The following PC variants were observed in gnomAD, a reference collection of about 807,000 sequenced individuals.
The protein encoded by PC is pyruvate carboxylase, mitochondrial.
PC carries 46 observed loss-of-function variants against 107.8 expected under a neutral mutation model. The ratio of observed to expected loss-of-function variants is 0.43; its 90% CI spans 0.34 to 0.55. PC has a LOEUF of 0.55. Ranked by LOEUF, PC falls within the 20% of genes least tolerant of loss-of-function variation. The pLI, the probability that PC is intolerant of heterozygous loss-of-function variation, is 0.04. For missense variants in PC, 1,241 were observed against 1,643.1 expected (o/e 0.76, Z 4.23); for synonymous variants, 662 against 684.7 (o/e 0.97, Z 0.52).
intron 3 of PC, among the ~76,000 whole-genome samples, chr11:66,942,399 C>CAAAAAAAAAAAA (rs577741732): frequency 1.3e-4 from 11 of 86,984 alleles, no homozygotes; most frequent in African/African-American, 4.7e-4. Context: ...GACTCCATCT[C>CAAAAAAAAAAAA]AAAAAAAAAA....
At chr11:66,912,647 C>G (rs1948363695) in intron 3 of PC, among the ~76,000 whole-genome samples, 1 of 152,200 alleles carries the variant, frequency 6.6e-6, no homozygotes, top group Non-Finnish European at 1.5e-5. Flanking sequence ...CTTTCCATTC[C>G]TTTGACCTCA....
intron 12 of PC, chr11:66,860,548 C>T (rs771326844): frequency 4.0e-5 from 28 of 701,736 alleles, no homozygotes; most frequent in Non-Finnish European, 5.5e-5. Flanking sequence ...TGGTGGCACA[C>T]GGACAAGGGT....
intron 3 of PC, among the ~76,000 whole-genome samples, chr11:66,876,451 C>G (rs1204234365): frequency 6.6e-6 from 1 of 152,210 alleles, no homozygotes; most frequent in Non-Finnish European, 1.5e-5. Flanking sequence ...TTCAAATTGA[C>G]AAGTGAAAAG....
At chr11:66,906,665 A>G (rs1353818992) in intron 3 of PC, among the ~76,000 whole-genome samples, 1 of 151,766 alleles carries the variant, frequency 6.6e-6, no homozygotes, top group African/African-American at 2.4e-5. Flanking sequence ...ACACACATGC[A>G]CACTGCATTT....
chr11:66,855,994 C>CT (rs1214473851), intron 12 of PC, among the ~76,000 whole-genome samples: 5 of 151,626 alleles, frequency 3.3e-5, no homozygotes, highest in African/African-American at 1.2e-4. Context: ...GTTTAGGTGG[C>CT]TTAAGGACCA....
Position 66,858,571 on chromosome 11 carries a change from T to C in PC, c.1369-5188A>G. 1 of 1,533,014 alleles carries C rather than the reference T, an allele frequency of 6.5e-7. No homozygotes were observed. The highest frequency in any genetic ancestry group is 8.7e-7 in the Non-Finnish European group (1 of 1,144,026). 95.0% of individuals were successfully genotyped at this position (1,533,014 alleles called of 1,614,324 possible). A position where few individuals can be genotyped will look rare whatever the true frequency, so the allele number is the denominator to read the frequency against. ...TTCTGGGCAGTGCCCGAGGGCGAGT[T>C]CTCCTGTGAGCCGCCCCTCATTGCC... On this transcript the variant is annotated intron_variant, in intron 12 of 22. Coordinates refer to ENST00000393960, the MANE Select transcript of PC (RefSeq NM_001040716.2). This position sits in a 1 kb window ranked among gnomAD's most constrained non-coding sequence, Gnocchi z 5.9.
At chr11:66,918,182 G>GA (rs1948507686) in intron 3 of PC, among the ~76,000 whole-genome samples, 1 of 152,048 alleles carries the variant, frequency 6.6e-6, no homozygotes, top group Admixed American at 6.6e-5. Flanking sequence ...AAGTCCTGTA[G>GA]AAGGGAGGTA....
chr11:66,903,840 T>TA (rs1948062874), intron 3 of PC, among the ~76,000 whole-genome samples: 3 of 145,214 alleles, frequency 2.1e-5, no homozygotes, highest in African/African-American at 2.6e-5. Flanking sequence ...TTTTTTTTTT[T>TA]ATTTAGAGAC....
At chr11:66,910,799 T>A (rs1948313618) in intron 3 of PC, among the ~76,000 whole-genome samples, 1 of 152,174 alleles carries the variant, frequency 6.6e-6, no homozygotes, top group African/African-American at 2.4e-5. Context: ...AACCCAACGC[T>A]AGTGCTGACA....
intron 3 of PC, among the ~76,000 whole-genome samples, chr11:66,876,121 G>A (rs1216218578): frequency 1.3e-5 from 2 of 152,210 alleles, no homozygotes; most frequent in Non-Finnish European, 2.9e-5. Context: ...TTGGATCCGG[G>A]TTTCTATTGC....
chr11:66,900,502 C>T (rs1295571597), intron 3 of PC, among the ~76,000 whole-genome samples: 2 of 152,012 alleles, frequency 1.3e-5, no homozygotes, highest in Non-Finnish European at 2.9e-5. Context: ...TTCTGGTTCC[C>T]TTACATTTCT....
chr11:66,898,282 T>G (rs1429761992), intron 3 of PC, among the ~76,000 whole-genome samples: 1 of 152,220 alleles, frequency 6.6e-6, no homozygotes, highest in Non-Finnish European at 1.5e-5. Flanking sequence ...CCTCATTAAA[T>G]CACAGTCTTT....
intron 3 of PC, among the ~76,000 whole-genome samples, chr11:66,939,329 C>T (rs1005480561): frequency 6.6e-6 from 1 of 152,184 alleles, no homozygotes; most frequent in Non-Finnish European, 1.5e-5. Context: ...TATGCAAATA[C>T]TATGCCATTT....
chr11:66,934,882 G>A (rs1000051023), intron 3 of PC, among the ~76,000 whole-genome samples: 4 of 152,184 alleles, frequency 2.6e-5, no homozygotes, highest in Non-Finnish European at 4.4e-5. Flanking sequence ...TGGGATTACA[G>A]GTGTGAACAA....
rs1157673506 is a variant in PC at position 66,870,916 on chromosome 11, C to T, written c.634-24G>A. The T allele has an allele frequency of 5.0e-6, 8 of 1,607,830 alleles. No homozygotes were observed. The highest frequency in any genetic ancestry group is 6.8e-6 in the Non-Finnish European group (8 of 1,177,102). ...TCCTGCGAGGGCGGGCAGGGGCCAG[C>T]CAGACCTCAGACCCCACAGCGCTAC... On this transcript the variant is annotated intron_variant, in intron 7 of 22. Transcript: ENST00000393960. The surrounding 1 kb of genome is among the most constrained non-coding windows in gnomAD (Gnocchi z 6.1).
intron 3 of PC, among the ~76,000 whole-genome samples, chr11:66,922,514 C>T (rs1170939456): frequency 1.5e-5 from 2 of 131,818 alleles, no homozygotes; most frequent in Non-Finnish European, 3.1e-5. Context: ...GTGGAGGTTG[C>T]TTGTAGTGAG....
Position 66,870,995 on chromosome 11 carries a change from C to A in PC, c.633+57G>T, listed in dbSNP as rs1946707322. On this transcript the variant is annotated intron_variant, in intron 7 of 22. Transcript: ENST00000393960. This position sits in a 1 kb window ranked among gnomAD's most constrained non-coding sequence, Gnocchi z 6.1. ...TTCCAGATCCCTTGAGTGGTCCGCCCCTGCCCCCACGGCAGGCTGCCCTGC... is the reference window on the plus strand; with the variant it reads ...TTCCAGATCCCTTGAGTGGTCCGCCACTGCCCCCACGGCAGGCTGCCCTGC... 1 of 1,612,022 alleles carries A rather than the reference C, an allele frequency of 6.2e-7. No homozygotes were observed. Among genetic ancestry groups the A allele is most frequent in the Non-Finnish European group, 8.5e-7 (1 of 1,179,078 alleles).
chr11:66,852,300 G>C lies in PC; in HGVS notation c.1825+139C>G. ...GGCACCAGGCCTGGCCGGAGAGGGCGCTGTGCCTTCTTCGGTCCTTCCTCT... is the reference window on the plus strand; with the variant it reads ...GGCACCAGGCCTGGCCGGAGAGGGCCCTGTGCCTTCTTCGGTCCTTCCTCT... On this transcript the variant is annotated intron_variant, in intron 15 of 22. Transcript: ENST00000393960. This position sits in a 1 kb window ranked among gnomAD's most constrained non-coding sequence, Gnocchi z 4.7. 1.3e-6 allele frequency: 1 copy of C among 792,864 alleles called. No individual in the cohort carries two copies. Among genetic ancestry groups the C allele is most frequent in the South Asian group, 1.5e-5 (1 of 67,012 alleles). The allele number at this position is 792,864 out of a possible 1,614,324, so 49.1% of individuals were successfully genotyped here.
At position 66,857,473 on chromosome 11, in the gene PC, C is replaced by T; in HGVS notation, c.1369-4090G>A. On this transcript the variant is annotated intron_variant, in intron 12 of 22. Coordinates refer to ENST00000393960, the MANE Select transcript of PC (RefSeq NM_001040716.2). The surrounding 1 kb of genome is among the most constrained non-coding windows in gnomAD (Gnocchi z 7.1). ...TTCCGGGACCCTCCCTGCTCTCGGT[C>T]CTCCTCCGCTTCCTGCCTCATGCCT... 2.3e-6 allele frequency: 1 copy of T among 437,928 alleles called. No homozygotes were observed. The allele number at this position is 437,928 out of a possible 1,614,324, so 27.1% of individuals were successfully genotyped here. A position where few individuals can be genotyped will look rare whatever the true frequency, so the allele number is the denominator to read the frequency against.
Sources: allele counts gnomAD v4.1 joint callset (sites outside exome capture counted in the v4.1 genomes callset), GRCh38; gene constraint gnomAD v4.1.1; non-coding constraint Gnocchi (gnomAD v3.1); transcripts MANE v1.5; gene names NCBI Gene and HGNC (gene_info 2026-07-23, HGNC 2026-07-21).